The following REDIC1 variants were observed in gnomAD, a reference collection of about 807,000 sequenced individuals.
The protein encoded by REDIC1 is regulator of DNA class I crossover intermediates 1, also known as HEI10 Interacting Protein 1.
the REDIC1 span, among the ~76,000 whole-genome samples, chr12:39,855,742 T>A: frequency 1.3e-5 from 2 of 152,374 alleles, no homozygotes; most frequent in African/African-American, 4.8e-5. Flanking sequence ...TTGCAGACTT[T>A]CAGCTACTAA....
At chr12:39,748,428 T>C in the REDIC1 span, among the ~76,000 whole-genome samples, 1 of 152,134 alleles carries the variant, frequency 6.6e-6, no homozygotes, top group African/African-American at 2.4e-5. Flanking sequence ...AGCAAGTTCT[T>C]AGAGACCTAG....
chr12:39,674,005 A>G, the REDIC1 span, among the ~76,000 whole-genome samples: 1 of 152,180 alleles, frequency 6.6e-6, no homozygotes, highest in Non-Finnish European at 1.5e-5. Context: ...AATGAATTTT[A>G]TATTTATCTA....
At chr12:39,739,846 T>A in the REDIC1 span, among the ~76,000 whole-genome samples, 1 of 152,198 alleles carries the variant, frequency 6.6e-6, no homozygotes, top group East Asian at 1.9e-4. Context: ...ATTTTGCCCA[T>A]AAAATGTAGC....
At chr12:39,859,261 C>CA in the REDIC1 span, among the ~76,000 whole-genome samples, 1,495 of 59,954 alleles carry the variant, frequency 0.025, 23 homozygotes, top group African/African-American at 0.085. Context: ...GTTCAAGAAG[C>CA]AAAAAACAAA....
At chr12:39,678,285 A>T in the REDIC1 span, among the ~76,000 whole-genome samples, 1 of 152,150 alleles carries the variant, frequency 6.6e-6, no homozygotes, top group Non-Finnish European at 1.5e-5. Flanking sequence ...AATACAAACA[A>T]TTATTCAAGG....
the REDIC1 span, among the ~76,000 whole-genome samples, chr12:39,795,172 T>G: frequency 1.3e-5 from 2 of 152,110 alleles, no homozygotes; most frequent in African/African-American, 4.8e-5. Context: ...CTAACGTCTC[T>G]TATATCTTGA....
chr12:39,708,783 T>G, the REDIC1 span, among the ~76,000 whole-genome samples: 1 of 151,868 alleles, frequency 6.6e-6, no homozygotes, highest in African/African-American at 2.4e-5. Context: ...TTTTTATAAA[T>G]GTTTAATTTC....
the REDIC1 span, chr12:39,721,299 A>C: frequency 1.4e-6 from 2 of 1,472,160 alleles, no homozygotes; most frequent in Non-Finnish European, 1.9e-6. Context: ...TGCCCTTAGA[A>C]AACAACAGTA....
chr12:39,896,353 T>C, the REDIC1 span, among the ~76,000 whole-genome samples: 30 of 81,510 alleles, frequency 3.7e-4, 2 homozygotes, highest in African/African-American at 1.5e-3. Context: ...TATATGTATG[T>C]ATATGTGTAT....
At chr12:39,894,502 AG>A in the REDIC1 span, among the ~76,000 whole-genome samples, 1 of 138,756 alleles carries the variant, frequency 7.2e-6, no homozygotes, top group African/African-American at 2.5e-5. Flanking sequence ...TTAGCCTTCA[AG>A]TCTGAAATAA....
the REDIC1 span, among the ~76,000 whole-genome samples, chr12:39,666,860 GT>G: frequency 6.6e-6 from 1 of 152,180 alleles, no homozygotes; most frequent in African/African-American, 2.4e-5. Context: ...GCGTAGAGGT[GT>G]TTATAGTATT....
the REDIC1 span, chr12:39,646,955 T>A: frequency 2.8e-6 from 3 of 1,071,914 alleles, no homozygotes; most frequent in African/African-American, 4.9e-5. Context: ...ATGATCTAAA[T>A]GTCTGAATAC....
the REDIC1 span, among the ~76,000 whole-genome samples, chr12:39,675,129 G>A: frequency 6.6e-5 from 10 of 152,090 alleles, no homozygotes; most frequent in Admixed American, 1.3e-4. Flanking sequence ...CTGTGTGGGA[G>A]CTGAGAGAAG....
At chr12:39,846,979 G>A in the REDIC1 span, among the ~76,000 whole-genome samples, 1 of 152,050 alleles carries the variant, frequency 6.6e-6, no homozygotes, top group Non-Finnish European at 1.5e-5. Flanking sequence ...CACAACAAAA[G>A]GTAGCTGTTT....
the REDIC1 span, among the ~76,000 whole-genome samples, chr12:39,710,861 G>C: frequency 6.6e-6 from 1 of 151,226 alleles, no homozygotes; most frequent in Admixed American, 6.6e-5. Context: ...ACATAAAGTA[G>C]TTACTCAATA....
chr12:39,790,872 CCAG>C, the REDIC1 span, among the ~76,000 whole-genome samples: 1 of 43,012 alleles, frequency 2.3e-5, no homozygotes. Flanking sequence ...CACATCCTCT[CCAG>C]CACCTGTTGT....
the REDIC1 span, among the ~76,000 whole-genome samples, chr12:39,797,740 A>ATACG: frequency 4.6e-5 from 6 of 131,462 alleles, no homozygotes; most frequent in South Asian, 7.7e-4. Flanking sequence ...ACACACACAC[A>ATACG]CACACACACA....
At chr12:39,684,730 G>T in the REDIC1 span, 22 of 607,070 alleles carry the variant, frequency 3.6e-5, no homozygotes, top group African/African-American at 3.4e-4. Flanking sequence ...CCTTGGCATG[G>T]AGCTTATGAA....
At chr12:39,861,431 A>C in the REDIC1 span, among the ~76,000 whole-genome samples, 1 of 152,240 alleles carries the variant, frequency 6.6e-6, no homozygotes, top group African/African-American at 2.4e-5. Context: ...CTACAACTGT[A>C]TGCTTTAGGA....
Sources: allele counts gnomAD v4.1 joint callset (sites outside exome capture counted in the v4.1 genomes callset), GRCh38; gene constraint gnomAD v4.1.1; transcripts MANE v1.5; gene names NCBI Gene and HGNC (gene_info 2026-07-23, HGNC 2026-07-21).